The following CHD7 variants were observed in gnomAD, a reference collection of about 807,000 sequenced individuals.
The protein encoded by CHD7 is ATP-dependent chromatin remodeler CHD7.
A neutral mutation model predicts 307.3 loss-of-function variants in CHD7; 24 were observed. The ratio of observed to expected loss-of-function variants is 0.08; its 90% CI spans 0.06 to 0.11. The LOEUF (loss-of-function observed/expected upper bound fraction) is 0.11, where lower values mean the gene tolerates loss of function less well. Among genes scored for constraint, CHD7 ranks in the 10% least tolerant of loss-of-function variants. The probability of loss-of-function intolerance (pLI) is 1.00; values close to 1 mark genes in which losing one functional copy is unlikely to be tolerated. For missense variants in CHD7, 3,106 were observed against 3,727.1 expected (o/e 0.83, Z 4.34); for synonymous variants, 1,363 against 1,349.9 (o/e 1.01, Z -0.21).
chr8:60,863,122 A>T (rs1422425292), intron 37 of CHD7: 1 of 154,942 alleles, frequency 6.5e-6, no homozygotes, highest in East Asian at 1.9e-4. Flanking sequence ...ATTATACATT[A>T]AAAATGTCTT....
rs1586463527 is a variant in CHD7 at position 60,862,885 on chromosome 8, A to G, written c.8076+233A>G. ...GTTTGTATGGAAACATACATTCACA[A>G]TCTTAGAGGTAGACTTCTCCAGGGG... On this transcript the variant is annotated intron_variant, in intron 37 of 37. Coordinates refer to ENST00000423902, the MANE Select transcript of CHD7 (RefSeq NM_017780.4). 6 of 509,484 alleles carry G rather than the reference A, an allele frequency of 1.2e-5. No homozygotes were observed. In the East Asian group the frequency reaches 1.7e-4, roughly 14 times the overall value. The allele number at this position is 509,484 out of a possible 1,614,324, so 31.6% of individuals were successfully genotyped here. A position where few individuals can be genotyped will look rare whatever the true frequency, so the allele number is the denominator to read the frequency against.
At chr8:60,692,120 A>C (rs959317770) in intron 1 of CHD7, among the ~76,000 whole-genome samples, 2 of 152,244 alleles carry the variant, frequency 1.3e-5, no homozygotes, top group South Asian at 4.1e-4. Context: ...ATGGCAAGGA[A>C]TATGCTTGTC....
chr8:60,737,822 A>G (rs1808785392), intron 1 of CHD7, among the ~76,000 whole-genome samples: 2 of 152,264 alleles, frequency 1.3e-5, no homozygotes, highest in Non-Finnish European at 2.9e-5. Context: ...TTAATAACAT[A>G]AGCCCTGAAT....
chr8:60,862,190 T>C lies in CHD7; in HGVS notation c.7831-6T>C. The C allele has an allele frequency of 6.2e-7, 1 of 1,603,310 alleles. No individual in the cohort carries two copies. ...AATTTTACTAAATATGTTTTTTCTT[T>C]TGCAGAAGAATGCAGATGTGCTGTT... On this transcript the variant is annotated splice_region_variant and splice_polypyrimidine_tract_variant and intron_variant, in intron 35 of 37. Transcript: ENST00000423902.
intron 2 of CHD7, among the ~76,000 whole-genome samples, chr8:60,752,744 G>T (rs1809699898): frequency 6.6e-6 from 1 of 152,154 alleles, no homozygotes; most frequent in Non-Finnish European, 1.5e-5. Flanking sequence ...ATAGAAAATT[G>T]TGGGATTTTT....
chr8:60,849,077 C>G lies in CHD7; in HGVS notation c.5327C>G (p.Pro1776Arg), dbSNP rs759486970. 6.2e-7 allele frequency: 1 copy of G among 1,613,340 alleles called. No homozygotes were observed. The highest frequency in any genetic ancestry group is 8.5e-7 in the Non-Finnish European group (1 of 1,179,592). The change falls in exon 25 of 38, where the codon CCT becomes CGT. Residue 1776 changes from proline to arginine, a missense_variant. Coordinates refer to ENST00000423902, the MANE Select transcript of CHD7 (RefSeq NM_017780.4). ...SSEADVWIPE[P>R]FHAEVPADWW... ...GAAGCCGATGTGTGGATCCCTGAAC[C>G]TTTCCATGCTGAAGTTCCTGCAGAT...
At chr8:60,690,756 ATTTTTG>A (rs1806154227) in intron 1 of CHD7, among the ~76,000 whole-genome samples, 1 of 151,856 alleles carries the variant, frequency 6.6e-6, no homozygotes, top group East Asian at 1.9e-4. Context: ...CACAATTTTC[ATTTTTG>A]TTGTTGTTTT....
chr8:60,730,338 G>A (rs944566103), intron 1 of CHD7, among the ~76,000 whole-genome samples: 2 of 152,178 alleles, frequency 1.3e-5, no homozygotes, highest in Non-Finnish European at 2.9e-5. Flanking sequence ...ATAAAACTTT[G>A]TCTTTTATCA....
chr8:60,751,154 G>A (rs1482733352), intron 2 of CHD7, among the ~76,000 whole-genome samples: 1 of 152,160 alleles, frequency 6.6e-6, no homozygotes, highest in Non-Finnish European at 1.5e-5. Flanking sequence ...AGTTTTGAGT[G>A]GCGTTTGGAT....
chr8:60,713,697 G>A (rs1013818605), intron 1 of CHD7, among the ~76,000 whole-genome samples: 1 of 152,106 alleles, frequency 6.6e-6, no homozygotes, highest in African/African-American at 2.4e-5. Context: ...GGGCGTTCAC[G>A]AGGAGCTCTT....
chr8:60,724,581 C>T (rs578008224), intron 1 of CHD7, among the ~76,000 whole-genome samples: 93 of 152,178 alleles, frequency 6.1e-4, no homozygotes, highest in African/African-American at 2.1e-3. Context: ...CTTTAATTTG[C>T]CTGATGTAAA....
intron 1 of CHD7, among the ~76,000 whole-genome samples, chr8:60,733,951 G>A (rs528237261): frequency 1.2e-4 from 19 of 152,176 alleles, no homozygotes; most frequent in Non-Finnish European, 2.6e-4. Context: ...GCAAACAGAT[G>A]GGCATATCTT....
At chr8:60,756,855 G>A (rs577550124) in intron 2 of CHD7, among the ~76,000 whole-genome samples, 18 of 152,130 alleles carry the variant, frequency 1.2e-4, no homozygotes, top group Non-Finnish European at 1.9e-4. Flanking sequence ...AAGTCATCAA[G>A]TCTAAGCAAA....
Position 60,743,201 on chromosome 8 carries a change from A to G in CHD7, c.1665+104A>G, listed in dbSNP as rs1283374743. ...AAACTCTATGAAAAGCTTTTTCATT[A>G]TGAGTGCCTTAATTTTTATTTGTTA... On this transcript the variant is annotated intron_variant, in intron 2 of 37. Transcript: ENST00000423902. 4 of 936,910 alleles carry G rather than the reference A, an allele frequency of 4.3e-6. No individual in the cohort carries two copies. The African/African-American group carries it at 6.5e-5, about 15-fold the overall frequency. The allele number at this position is 936,910 out of a possible 1,614,324, so 58.0% of individuals were successfully genotyped here. A position where few individuals can be genotyped will look rare whatever the true frequency, so the allele number is the denominator to read the frequency against.
Position 60,822,721 on chromosome 8 carries a change from A to G in CHD7, c.3176A>G (p.Tyr1059Cys). ...GCTAGTCGTCGGACCATTCAGTTGT[A>G]TGAAATGTACTTCAAAGATCCCCAG... ...SQASRRTIQL[Y>C]EMYFKDPQGR... The change falls in exon 12 of 38, where the codon TAT (tyrosine) becomes TGT (cysteine). Residue 1059 changes from tyrosine (Y) to cysteine (C), a missense_variant. Tyr to Cys is a radical substitution (Grantham distance 194, BLOSUM62 -2). Transcript: ENST00000423902. 6.2e-7 allele frequency: 1 copy of G among 1,610,854 alleles called. No homozygotes were observed. Among genetic ancestry groups the G allele is most frequent in the Non-Finnish European group, 8.5e-7 (1 of 1,177,768 alleles).
chr8:60,808,073 A>G (rs969773702), intron 6 of CHD7, 144 bp from the exon 7 acceptor site: 2 of 642,304 alleles, frequency 3.1e-6, no homozygotes, highest in East Asian at 2.8e-5. Flanking sequence ...GCCACCTCCC[A>G]GCACACGGTG....
At chr8:60,798,805 T>C (rs1438211523) in intron 4 of CHD7, among the ~76,000 whole-genome samples, 2 of 152,250 alleles carry the variant, frequency 1.3e-5, no homozygotes, top group Non-Finnish European at 2.9e-5. Context: ...CTTAAAACTT[T>C]ACATGTGTCA....
intron 1 of CHD7, among the ~76,000 whole-genome samples, chr8:60,718,867 C>A (rs1036304062): frequency 3.9e-5 from 6 of 152,220 alleles, no homozygotes; most frequent in Non-Finnish European, 5.9e-5. Context: ...GCAAGTGTAT[C>A]ATTTTTAATC....
rs1806284662 is a variant in CHD7 at position 60,867,752 on chromosome 8, T to C, written c.*1819T>C. 6.6e-6 allele frequency: 1 copy of C among 152,204 alleles called. No homozygotes were observed. Among genetic ancestry groups the C allele is most frequent in the Non-Finnish European group, 1.5e-5 (1 of 68,050 alleles). The allele number at this position is 152,204 out of a possible 1,614,324, so 9.4% of individuals were successfully genotyped here. On this transcript the variant is annotated 3_prime_UTR_variant, in exon 38 of 38. Coordinates refer to ENST00000423902, the MANE Select transcript of CHD7 (RefSeq NM_017780.4). ...TGCCCCAAGATGAAAATATGCCCCT[T>C]AATGATTCTGGGAAAGAAACAACCT...
Sources: gnomAD v4.1 joint callset for allele counts (sites outside exome capture counted in the v4.1 genomes callset) on GRCh38, gnomAD v4.1.1 for gene constraint, MANE v1.5 for transcripts, NCBI Gene and HGNC (gene_info 2026-07-23, HGNC 2026-07-21) for gene names.